PDGFC: variants seen among roughly 807,000 people sequenced by gnomAD.
The protein encoded by PDGFC is platelet derived growth factor C.
In PDGFC, 12 loss-of-function variants were observed where a neutral mutation model predicts 35.5. The observed-to-expected ratio is 0.34, with a 90% CI of 0.22 to 0.55. The LOEUF is 0.55. PDGFC is among the 20% of genes least tolerant of loss of function. The probability of loss-of-function intolerance (pLI) is 0.91; values close to 1 mark genes in which losing one functional copy is unlikely to be tolerated. For synonymous variants in PDGFC, 159 were observed against 148.8 expected (o/e 1.07, Z -0.50); for missense variants, 322 against 412.4 (o/e 0.78, Z 1.90).
At chr4:156,914,373 T>C (rs1247173213) in intron 1 of PDGFC, among the ~76,000 whole-genome samples, 2 of 152,156 alleles carry the variant, frequency 1.3e-5, no homozygotes, top group Admixed American at 6.5e-5. Flanking sequence ...TTACTGCCTA[T>C]ATAGCCTTCT....
intron 1 of PDGFC, among the ~76,000 whole-genome samples, chr4:156,883,123 C>G (rs997550832): frequency 2.6e-5 from 4 of 151,590 alleles, no homozygotes; most frequent in African/African-American, 9.7e-5. Context: ...GAGTAACTCT[C>G]ACTTGAAGTC....
chr4:156,948,165 C>A (rs559794902), intron 1 of PDGFC, among the ~76,000 whole-genome samples: 52 of 147,378 alleles, frequency 3.5e-4, no homozygotes, highest in East Asian at 2.4e-3. Flanking sequence ...AAAAAAAAAA[C>A]CTCCCAGAAT....
intron 3 of PDGFC, among the ~76,000 whole-genome samples, chr4:156,777,938 T>G (rs141144070): frequency 1.0e-3 from 159 of 151,992 alleles, no homozygotes; most frequent in African/African-American, 3.6e-3. Flanking sequence ...ACCCCATCTC[T>G]ACTAAAAATA....
chr4:156,905,626 C>G (rs1730897884), intron 1 of PDGFC, among the ~76,000 whole-genome samples: 1 of 152,072 alleles, frequency 6.6e-6, no homozygotes, highest in South Asian at 2.1e-4. Flanking sequence ...GCAGTTCAAC[C>G]TGGAGTAGAA....
chr4:156,893,508 A>C (rs1360268830), intron 1 of PDGFC, among the ~76,000 whole-genome samples: 1 of 151,514 alleles, frequency 6.6e-6, no homozygotes, highest in East Asian at 1.9e-4. Context: ...ATTTTATTTT[A>C]TTTTGTTTTG....
At chr4:156,859,745 A>T (rs1034487149) in intron 1 of PDGFC, among the ~76,000 whole-genome samples, 3 of 152,160 alleles carry the variant, frequency 2.0e-5, no homozygotes, top group African/African-American at 7.2e-5. Context: ...ACCATAAATT[A>T]ATAAGAAAGC....
intron 1 of PDGFC, among the ~76,000 whole-genome samples, chr4:156,864,001 TTTG>T (rs1260034668): frequency 2.6e-5 from 4 of 152,126 alleles, no homozygotes; most frequent in South Asian, 2.1e-4. Context: ...TCTTGTTTTT[TTTG>T]TTGTTGTTGT....
At chr4:156,815,723 G>A (rs75243314) in intron 2 of PDGFC, among the ~76,000 whole-genome samples, 290 of 152,276 alleles carry the variant, frequency 1.9e-3, no homozygotes, top group African/African-American at 6.6e-3. Flanking sequence ...CACATGCCCA[G>A]GTGACTGCTC....
intron 1 of PDGFC, among the ~76,000 whole-genome samples, chr4:156,875,461 T>C (rs746948063): frequency 9.9e-5 from 15 of 152,146 alleles, no homozygotes; most frequent in Non-Finnish European, 1.8e-4. Context: ...TAGAAGAAAG[T>C]CCACACATCT....
chr4:156,918,304 G>A (rs895637664), intron 1 of PDGFC, among the ~76,000 whole-genome samples: 10 of 152,258 alleles, frequency 6.6e-5, no homozygotes, highest in African/African-American at 1.9e-4. Flanking sequence ...CTACTCTAGG[G>A]AGATTTACTG....
intron 1 of PDGFC, among the ~76,000 whole-genome samples, chr4:156,884,908 A>C (rs2111179714): frequency 6.6e-6 from 1 of 152,324 alleles, no homozygotes; most frequent in Non-Finnish European, 1.5e-5. Context: ...CAAGATACAT[A>C]TACAACATGG....
chr4:156,882,532 T>C (rs991181193), intron 1 of PDGFC, among the ~76,000 whole-genome samples: 1 of 152,198 alleles, frequency 6.6e-6, no homozygotes, highest in Non-Finnish European at 1.5e-5. Flanking sequence ...TTACTGTCCT[T>C]AATATATAAA....
intron 1 of PDGFC, among the ~76,000 whole-genome samples, chr4:156,957,770 T>C (rs1732246837): frequency 6.6e-6 from 1 of 151,980 alleles, no homozygotes; most frequent in African/African-American, 2.4e-5. Context: ...GCCCAAGTCA[T>C]ACATCAATGT....
intron 1 of PDGFC, chr4:156,873,937 T>C (rs1196662613): frequency 6.6e-6 from 1 of 152,214 alleles, no homozygotes. Context: ...GTTCCCTTAC[T>C]CACTAAATTG....
At chr4:156,804,635 C>T (rs948784022) in intron 3 of PDGFC, among the ~76,000 whole-genome samples, 1 of 151,770 alleles carries the variant, frequency 6.6e-6, no homozygotes, top group Non-Finnish European at 1.5e-5. Context: ...TTATCAGAGA[C>T]CAAGGGAGAT....
intron 2 of PDGFC, among the ~76,000 whole-genome samples, chr4:156,831,383 G>A (rs1443321458): frequency 6.6e-6 from 1 of 151,664 alleles, no homozygotes; most frequent in Non-Finnish European, 1.5e-5. Flanking sequence ...TGAGGCAGGA[G>A]GATCCCTTGA....
intron 3 of PDGFC, among the ~76,000 whole-genome samples, chr4:156,781,629 A>C (rs915628886): frequency 3.3e-5 from 5 of 151,968 alleles, no homozygotes; most frequent in Non-Finnish European, 7.4e-5. Flanking sequence ...GAAGGCACTC[A>C]CTAACTCTCC....
chr4:156,804,090 T>G (rs1371287514), intron 3 of PDGFC, among the ~76,000 whole-genome samples: 1 of 122,342 alleles, frequency 8.2e-6, no homozygotes, highest in Non-Finnish European at 1.6e-5. Context: ...TTTGTAACCC[T>G]GAAAAATACA....
chr4:156,806,064 T>A (rs1307600821), intron 3 of PDGFC, among the ~76,000 whole-genome samples: 3 of 152,152 alleles, frequency 2.0e-5, no homozygotes, highest in African/African-American at 7.2e-5. Flanking sequence ...ATATTATTAA[T>A]CTTTGTATAT....
Sources: gnomAD v4.1 joint callset for allele counts (sites outside exome capture counted in the v4.1 genomes callset) on GRCh38, gnomAD v4.1.1 for gene constraint, MANE v1.5 for transcripts, NCBI Gene and HGNC (gene_info 2026-07-23, HGNC 2026-07-21) for gene names.